COL13A1: variants seen among roughly 807,000 people sequenced by gnomAD.
COL13A1 encodes collagen alpha-1(XIII) chain.
Under a neutral mutation model 130.9 loss-of-function variants are expected in COL13A1, and 89 were observed. That is an observed-to-expected ratio of 0.68 (90% confidence interval 0.57 to 0.81). COL13A1 has a LOEUF of 0.81. Ranked by LOEUF, COL13A1 falls within the 30% of genes least tolerant of loss-of-function variation. COL13A1 has a pLI of 0.00. For missense variants in COL13A1, 879 were observed against 934.6 expected (o/e 0.94, Z 0.78); for synonymous variants, 402 against 341.6 (o/e 1.18, Z -1.95).
intron 2 of COL13A1, among the ~76,000 whole-genome samples, chr10:69,851,044 C>A (rs1375095850): frequency 6.6e-6 from 1 of 152,176 alleles, no homozygotes; most frequent in Non-Finnish European, 1.5e-5. Context: ...TCTACAGGGG[C>A]CAGCACATGG....
At chr10:69,900,242 C>T (rs1262909623) in intron 14 of COL13A1, among the ~76,000 whole-genome samples, 1 of 152,226 alleles carries the variant, frequency 6.6e-6, no homozygotes, top group East Asian at 1.9e-4. Context: ...ACCTCCCAGC[C>T]TTAGGTGTAT....
intron 2 of COL13A1, chr10:69,824,159 G>A (rs372923816): frequency 8.5e-6 from 4 of 472,242 alleles, no homozygotes; most frequent in Non-Finnish European, 1.3e-5. Context: ...GAAAAACAGG[G>A]ACAATAGACA....
chr10:69,851,255 A>G (rs1410763384), intron 2 of COL13A1, among the ~76,000 whole-genome samples: 1 of 152,252 alleles, frequency 6.6e-6, no homozygotes, highest in South Asian at 2.1e-4. Context: ...TCTCAGGTTC[A>G]GAGAAGTGAG....
chr10:69,814,039 A>T (rs1327554000), intron 1 of COL13A1, among the ~76,000 whole-genome samples: 1 of 152,220 alleles, frequency 6.6e-6, no homozygotes, highest in African/African-American at 2.4e-5. Context: ...CGGGACCCTG[A>T]CATCTGAGGG....
At chr10:69,918,851 C>T (rs1478938613) in intron 19 of COL13A1, among the ~76,000 whole-genome samples, 1 of 152,206 alleles carries the variant, frequency 6.6e-6, no homozygotes. Flanking sequence ...CACCCCTCAC[C>T]TGGGGAAGAA....
intron 40 of COL13A1, 63 bp from the exon 41 acceptor site, chr10:69,958,636 A>C: frequency 6.2e-7 from 1 of 1,611,506 alleles, no homozygotes; most frequent in Non-Finnish European, 8.5e-7. Context: ...CTTCCTACAA[A>C]GGAAATAAAC....
intron 22 of COL13A1, 145 bp downstream of exon 22, chr10:69,922,080 T>C: frequency 8.9e-7 from 1 of 1,126,110 alleles, no homozygotes; most frequent in South Asian, 1.7e-5. Context: ...CAGATTCTGT[T>C]TGTCGAGGGA....
intron 7 of COL13A1, among the ~76,000 whole-genome samples, chr10:69,882,428 T>C (rs2060231638): frequency 6.6e-6 from 1 of 152,264 alleles, no homozygotes; most frequent in African/African-American, 2.4e-5. Context: ...GAAACATATC[T>C]ACTGCACTGG....
chr10:69,945,563 C>A, intron 36 of COL13A1, 108 bp from the exon 37 acceptor site: 1 of 1,480,440 alleles, frequency 6.8e-7, no homozygotes, highest in Non-Finnish European at 9.2e-7. Context: ...CCGGAGGGCT[C>A]TTGAGGGGAC....
chr10:69,937,569 G>C, intron 33 of COL13A1, 66 bp from the exon 34 acceptor site: 1 of 800,704 alleles, frequency 1.2e-6, no homozygotes, highest in South Asian at 1.5e-5. Flanking sequence ...CAGGACCCCA[G>C]AATGCAAGAA....
chr10:69,861,937 G>T (rs1412595291), intron 2 of COL13A1, among the ~76,000 whole-genome samples: 1 of 152,182 alleles, frequency 6.6e-6, no homozygotes, highest in East Asian at 1.9e-4. Flanking sequence ...GGACAGATGT[G>T]AGCTGTGGCG....
Position 69,902,356 on chromosome 10 carries a change from G to A in COL13A1, c.751-392G>A, listed in dbSNP as rs1007257245. 3.3e-5 allele frequency among the ~76,000 whole-genome samples: 5 copies of A among 152,236 alleles called. No homozygotes were observed. In the East Asian group the frequency reaches 5.8e-4, roughly 18 times the overall value. On this transcript the variant is annotated intron_variant, in intron 14 of 40. Transcript: ENST00000645393. Reference sequence around the variant, plus strand: ...TGGGGCTTAGGGAGAACTGTGCCTCGCCACACAGGGAGGGTGACAGAGGCA... The same window carrying A: ...TGGGGCTTAGGGAGAACTGTGCCTCACCACACAGGGAGGGTGACAGAGGCA...
At chr10:69,956,255 G>A (rs2070664831) in intron 39 of COL13A1, 1 of 152,288 alleles carries the variant, frequency 6.6e-6, no homozygotes, top group African/African-American at 2.4e-5. Flanking sequence ...ACTCAGGAAA[G>A]TTTCTATCAC....
intron 1 of COL13A1, among the ~76,000 whole-genome samples, chr10:69,803,951 G>C (rs879292793): frequency 6.6e-5 from 10 of 152,150 alleles, no homozygotes; most frequent in Non-Finnish European, 1.3e-4. Flanking sequence ...GCACCTGCTG[G>C]AGCAGTTCTC....
At chr10:69,888,100 T>G (rs932537268) in intron 8 of COL13A1, among the ~76,000 whole-genome samples, 7 of 152,180 alleles carry the variant, frequency 4.6e-5, no homozygotes, top group Non-Finnish European at 7.3e-5. Flanking sequence ...GCATCCAACA[T>G]TCTATTATTC....
intron 21 of COL13A1, among the ~76,000 whole-genome samples, chr10:69,920,698 G>T (rs1360621060): frequency 6.6e-6 from 1 of 152,236 alleles, no homozygotes; most frequent in South Asian, 2.1e-4. Flanking sequence ...CTGGCACCCT[G>T]ATCTCAGACT....
At chr10:69,949,950 G>GTGTGTGTGTGTGTGTGTGTGCA (rs1491413744) in intron 38 of COL13A1, among the ~76,000 whole-genome samples, 1 of 107,402 alleles carries the variant, frequency 9.3e-6, no homozygotes, top group Non-Finnish European at 2.3e-5. Flanking sequence ...GTGTGTGTGC[G>GTGTGTGTGTGTGTGTGTGTGCA]TGTGTTTGTG....
intron 1 of COL13A1, among the ~76,000 whole-genome samples, chr10:69,812,002 GC>G (rs1333745456): frequency 6.6e-6 from 1 of 152,018 alleles, no homozygotes; most frequent in Non-Finnish European, 1.5e-5. Context: ...AGCCCGAGCT[GC>G]CCCCCTAACT....
intron 2 of COL13A1, among the ~76,000 whole-genome samples, chr10:69,826,882 T>C (rs1002690333): frequency 2.6e-5 from 4 of 152,098 alleles, no homozygotes; most frequent in African/African-American, 4.8e-5. Context: ...AAAAGGGGAA[T>C]GGGACAAGTG....
Sources: allele counts gnomAD v4.1 joint callset (sites outside exome capture counted in the v4.1 genomes callset), GRCh38; gene constraint gnomAD v4.1.1; transcripts MANE v1.5; gene names NCBI Gene and HGNC (gene_info 2026-07-23, HGNC 2026-07-21).